The following AGAP1 variants were observed in gnomAD, a reference collection of about 807,000 sequenced individuals.
The protein encoded by AGAP1 is ArfGAP with GTPase domain, ankyrin repeat and PH domain 1, also known as arf-GAP with GTPase, ANK repeat and PH domain-containing protein 1.
A neutral mutation model predicts 105.3 loss-of-function variants in AGAP1; 29 were observed. That is an observed-to-expected ratio of 0.28 (90% confidence interval 0.21 to 0.38). The LOEUF is 0.38. Ranked by LOEUF, AGAP1 falls within the 10% of genes least tolerant of loss-of-function variation. The pLI is 1.00. For missense variants in AGAP1, 998 were observed against 1,165.1 expected (o/e 0.86, Z 2.09); for synonymous variants, 509 against 485.9 (o/e 1.05, Z -0.63).
At position 236,035,930 on chromosome 2, in the gene AGAP1, G is replaced by T. The variant is rs966943786; in HGVS notation, c.1646-631G>T. On this transcript the variant is annotated intron_variant, in intron 13 of 17. Coordinates refer to ENST00000304032, the MANE Select transcript of AGAP1 (RefSeq NM_001037131.3). This position sits in a 1 kb window ranked among gnomAD's most constrained non-coding sequence, Gnocchi z 4.2. ...TAGATGTGGCAGGTGGGGTCGCAGG[G>T]TATACCCCCAAGTTCCTCTCTTCCC... Among the ~76,000 whole-genome samples, 5 of 152,052 alleles carry T rather than the reference G, an allele frequency of 3.3e-5. No homozygotes were observed. Among genetic ancestry groups the T allele is most frequent in the African/African-American group, 9.7e-5 (4 of 41,402 alleles).
At chr2:236,070,287 C>G (rs957953365) in intron 16 of AGAP1, among the ~76,000 whole-genome samples, 5 of 152,242 alleles carry the variant, frequency 3.3e-5, no homozygotes, top group African/African-American at 1.2e-4. Flanking sequence ...ACACCATGCT[C>G]ACCTACCCAG....
rs1198391589 is a variant in AGAP1 at position 235,789,425 on chromosome 2, TA to T, written c.674-8332del. Among the ~76,000 whole-genome samples the T allele has an allele frequency of 6.6e-6, 1 of 152,150 alleles. No individual in the cohort carries two copies. The highest frequency in any genetic ancestry group is 1.5e-5 in the Non-Finnish European group (1 of 68,030). Reference sequence around the variant, plus strand: ...TTCATTTCCAGCAAATTAACAACCCTAATAGGTAATTGCGACATAAATGAAG... The same window carrying T: ...TTCATTTCCAGCAAATTAACAACCCTATAGGTAATTGCGACATAAATGAAG... On this transcript the variant is annotated intron_variant, in intron 6 of 17. Transcript: ENST00000304032. The surrounding 1 kb of genome is among the most constrained non-coding windows in gnomAD (Gnocchi z 4.2).
chr2:235,527,930 T>C (rs1195297576), intron 1 of AGAP1, among the ~76,000 whole-genome samples: 1 of 152,218 alleles, frequency 6.6e-6, no homozygotes, highest in Non-Finnish European at 1.5e-5. Flanking sequence ...TAGAGCATCT[T>C]CACCAAATTC....
intron 9 of AGAP1, among the ~76,000 whole-genome samples, chr2:235,822,866 C>T (rs149833426): frequency 4.6e-5 from 7 of 152,248 alleles, no homozygotes; most frequent in African/African-American, 1.2e-4. Flanking sequence ...GGTGGGCATG[C>T]GGTAGATACC....
intron 9 of AGAP1, among the ~76,000 whole-genome samples, chr2:235,826,409 G>A (rs1481144111): frequency 2.0e-5 from 3 of 152,022 alleles, no homozygotes; most frequent in Admixed American, 6.6e-5. Context: ...TTTCGTCTCC[G>A]TTGCTCCGTT....
In AGAP1 at chr2:236,121,930, T is replaced by A. The variant is rs1167809669; in HGVS notation, c.2370+1483T>A. Among the ~76,000 whole-genome samples, 2 of 151,934 alleles carry A rather than the reference T, an allele frequency of 1.3e-5. No individual in the cohort carries two copies. Among genetic ancestry groups the A allele is most frequent in the East Asian group, 3.9e-4 (2 of 5,140 alleles). ...CACAGGGCCTTTCCTCTGCACTCGC[T>A]CCTGGTAGCTCTCTCCTTTCCCCCC... On this transcript the variant is annotated intron_variant, in intron 17 of 17. Coordinates refer to ENST00000304032, the MANE Select transcript of AGAP1 (RefSeq NM_001037131.3). The surrounding 1 kb of genome is among the most constrained non-coding windows in gnomAD (Gnocchi z 4.9).
intron 9 of AGAP1, among the ~76,000 whole-genome samples, chr2:235,859,391 CCT>C (rs1171835719): frequency 1.1e-3 from 46 of 41,860 alleles, no homozygotes; most frequent in African/African-American, 1.7e-3. Context: ...CCCCCCACAA[CCT>C]CCCCCCCCCC....
Position 235,842,043 on chromosome 2 carries a change from T to G in AGAP1, c.1050+34712T>G, listed in dbSNP as rs1308050963. 6.6e-6 allele frequency among the ~76,000 whole-genome samples: 1 copy of G among 152,202 alleles called. No individual in the cohort carries two copies. Among genetic ancestry groups the G allele is most frequent in the Non-Finnish European group, 1.5e-5 (1 of 68,036 alleles). ...GGATACTAAGGTTTTCACCTGCTGC[T>G]TCCTGCGGGATGTCGCTCATGTGGA... On this transcript the variant is annotated intron_variant, in intron 9 of 17. Transcript: ENST00000304032. The surrounding 1 kb of genome is among the most constrained non-coding windows in gnomAD (Gnocchi z 5.3).
intron 13 of AGAP1, among the ~76,000 whole-genome samples, chr2:235,987,777 T>A (rs1319404137): frequency 6.6e-6 from 1 of 152,168 alleles, no homozygotes; most frequent in Admixed American, 6.5e-5. Flanking sequence ...CAAGAGTCAT[T>A]TAGGAGCAGG....
rs569163892 is a variant in AGAP1 at position 235,904,375 on chromosome 2, T to C, written c.1156-4363T>C. On this transcript the variant is annotated intron_variant, in intron 10 of 17. Coordinates refer to ENST00000304032, the MANE Select transcript of AGAP1 (RefSeq NM_001037131.3). This position sits in a 1 kb window ranked among gnomAD's most constrained non-coding sequence, Gnocchi z 4.2. ...AAGCCGCATGATGATCATGGACAAC[T>C]TGAGAAGGAAAATGCAAATAGGTTT... Among the ~76,000 whole-genome samples, 158 of 152,182 alleles carry C rather than the reference T, an allele frequency of 1.0e-3. 1 individual carries two copies. The highest frequency in any genetic ancestry group is 9.1e-3 in the South Asian group (44 of 4,812).
At position 235,799,705 on chromosome 2, in the gene AGAP1, T is replaced by C. The variant is rs1957402214; in HGVS notation, c.957+183T>C. Among the ~76,000 whole-genome samples the C allele has an allele frequency of 6.6e-6, 1 of 152,184 alleles. No individual in the cohort carries two copies. The highest frequency in any genetic ancestry group is 1.5e-5 in the Non-Finnish European group (1 of 68,032). ...GCAAAGATTTGGATGTTGAGTAGAA[T>C]GGGAATTTCTTCATGTAGACATTCC... On this transcript the variant is annotated intron_variant, in intron 8 of 17. Transcript: ENST00000304032. The surrounding 1 kb of genome is among the most constrained non-coding windows in gnomAD (Gnocchi z 5.0).
At chr2:236,117,423 C>T (rs1345588123) in intron 16 of AGAP1, among the ~76,000 whole-genome samples, 1 of 152,180 alleles carries the variant, frequency 6.6e-6, no homozygotes, top group Non-Finnish European at 1.5e-5. Flanking sequence ...AGAATCACTC[C>T]AGCAGTTCCC....
rs2057336614 is a variant in AGAP1 at position 236,035,004 on chromosome 2, G to C, written c.1646-1557G>C. On this transcript the variant is annotated intron_variant, in intron 13 of 17. Transcript: ENST00000304032. The surrounding 1 kb of genome is among the most constrained non-coding windows in gnomAD (Gnocchi z 4.2). ...CCCAGCCAGAAAGGAGTGGGGAAAG[G>C]GTGAGTGGGGTGGCACGTCCTCACG... is the stretch of plus-strand genomic sequence containing the variant. Among the ~76,000 whole-genome samples, 1 of 152,180 alleles carries C rather than the reference G, an allele frequency of 6.6e-6. No individual in the cohort carries two copies. Among genetic ancestry groups the C allele is most frequent in the African/African-American group, 2.4e-5 (1 of 41,452 alleles).
Position 235,841,198 on chromosome 2 carries a change from C to T in AGAP1, c.1050+33867C>T, listed in dbSNP as rs75661425. ...GCCTAGGAGAGGCCCAACTGTGATG[C>T]TAAAGGGAGGAACAGGTCTAGAAGT... On this transcript the variant is annotated intron_variant, in intron 9 of 17. Coordinates refer to ENST00000304032, the MANE Select transcript of AGAP1 (RefSeq NM_001037131.3). Among the ~76,000 whole-genome samples, 990 of 152,132 alleles carry T rather than the reference C, an allele frequency of 6.5e-3. 9 individuals are homozygous for T. Among genetic ancestry groups the T allele is most frequent in the African/African-American group, 0.022 (926 of 41,478 alleles).
At chr2:235,653,885 C>T (rs535918918) in intron 1 of AGAP1, among the ~76,000 whole-genome samples, 5 of 152,184 alleles carry the variant, frequency 3.3e-5, no homozygotes, top group African/African-American at 7.2e-5. Flanking sequence ...GGTGAAACCC[C>T]GTCTCTACTA....
At chr2:235,972,985 T>TCAG (rs2054716240) in intron 13 of AGAP1, among the ~76,000 whole-genome samples, 1 of 152,098 alleles carries the variant, frequency 6.6e-6, no homozygotes, top group Non-Finnish European at 1.5e-5. Context: ...GAGAAGGTCT[T>TCAG]CCTAGACTCC....
intron 11 of AGAP1, among the ~76,000 whole-genome samples, chr2:235,915,728 A>G (rs1329917367): frequency 6.6e-6 from 1 of 152,216 alleles, no homozygotes; most frequent in African/African-American, 2.4e-5. Flanking sequence ...ATGAATAAAG[A>G]TTGTGAAAAT....
intron 16 of AGAP1, among the ~76,000 whole-genome samples, chr2:236,067,179 G>A (rs2058368540): frequency 6.6e-6 from 1 of 152,002 alleles, no homozygotes; most frequent in South Asian, 2.1e-4. Context: ...GTGTGACCCG[G>A]GCTGGATGTT....
chr2:235,684,468 T>G (rs1226612815), intron 1 of AGAP1, among the ~76,000 whole-genome samples: 1 of 152,212 alleles, frequency 6.6e-6, no homozygotes, highest in East Asian at 1.9e-4. Flanking sequence ...TACACATTAA[T>G]TCCTAAATGG....
Sources: allele counts gnomAD v4.1 joint callset (sites outside exome capture counted in the v4.1 genomes callset), GRCh38; gene constraint gnomAD v4.1.1; non-coding constraint Gnocchi (gnomAD v3.1); transcripts MANE v1.5; gene names NCBI Gene and HGNC (gene_info 2026-07-23, HGNC 2026-07-21).